The following HSPG2 variants were observed in gnomAD, a reference collection of about 807,000 sequenced individuals.
HSPG2 encodes the protein heparan sulfate proteoglycan 2.
In HSPG2, 278 loss-of-function variants were observed where a neutral mutation model predicts 526.6. That is an observed-to-expected ratio of 0.53 (90% CI 0.48 to 0.58). The LOEUF (loss-of-function observed/expected upper bound fraction) is 0.58. HSPG2 is among the 20% of genes least tolerant of loss of function. HSPG2 has a pLI of 0.00. For missense variants in HSPG2, 5,354 were observed against 6,099.5 expected (o/e 0.88, Z 4.07); for synonymous variants, 2,465 against 2,555.4 (o/e 0.96, Z 1.07).
rs1640067045 is a variant in HSPG2 at position 21,864,490 on chromosome 1, G to GGA, written c.4627-278_4627-277insTC. On this transcript the variant is annotated intron_variant, in intron 36 of 96. Transcript: ENST00000374695. The surrounding 1 kb of genome is among the most constrained non-coding windows in gnomAD (Gnocchi z 4.8). ...CCTGTCTCTGGTGGGCCCCCTCAAGGGCATGAACTGGGTTTTAACCCCCGG... is the reference window on the plus strand; with the variant it reads ...CCTGTCTCTGGTGGGCCCCCTCAAGGGAGCATGAACTGGGTTTTAACCCCCGG... Among the ~76,000 whole-genome samples the GGA allele has an allele frequency of 1.3e-5, 2 of 152,172 alleles. No individual in the cohort carries two copies. The highest frequency in any genetic ancestry group is 4.8e-5 in the African/African-American group (2 of 41,432).
At chr1:21,878,382 C>A in intron 20 of HSPG2, 51 bp downstream of exon 20, 1 of 1,585,766 alleles carries the variant, frequency 6.3e-7, no homozygotes, top group Non-Finnish European at 8.6e-7. Flanking sequence ...GGTGTGCAGC[C>A]CAGGTTGGGT....
chr1:21,829,910 G>T, intron 86 of HSPG2, 83 bp downstream of exon 86: 1 of 1,130,714 alleles, frequency 8.8e-7, no homozygotes, highest in Non-Finnish European at 1.3e-6. Context: ...CATCCGTAGG[G>T]CCCATCATGG....
At chr1:21,896,118 A>C in intron 2 of HSPG2, 57 bp downstream of exon 2, 1 of 1,608,954 alleles carries the variant, frequency 6.2e-7, no homozygotes, top group Admixed American at 1.7e-5. Context: ...TGCCAGTGGG[A>C]AGAAGCACAG....
At chr1:21,910,171 C>T (rs1419690541) in intron 1 of HSPG2, among the ~76,000 whole-genome samples, 2 of 152,268 alleles carry the variant, frequency 1.3e-5, no homozygotes, top group African/African-American at 2.4e-5. Flanking sequence ...CCCCCAGCTG[C>T]AGACCAACAC....
chr1:21,908,036 A>G (rs1643469757), intron 1 of HSPG2: 2 of 717,754 alleles, frequency 2.8e-6, no homozygotes, highest in Non-Finnish European at 5.1e-6. Flanking sequence ...GCACATGGTG[A>G]ATGTTCTATA....
At position 21,844,002 on chromosome 1, in the gene HSPG2, C is replaced by T. The variant is rs911601090; in HGVS notation, c.8616+146G>A. ...TGGTGGTGGCCCTGCTGTGCCCAGC[C>T]CGCTCTCAACTTCCTGATTCCATTG... On this transcript the variant is annotated intron_variant, in intron 65 of 96. Transcript: ENST00000374695. 6 of 1,084,938 alleles carry T rather than the reference C, an allele frequency of 5.5e-6. No homozygotes were observed. In the African/African-American group the frequency reaches 9.3e-5, roughly 17 times the overall value. The allele number at this position is 1,084,938 out of a possible 1,614,324, so 67.2% of individuals were successfully genotyped here.
In HSPG2 at chr1:21,828,693, G is replaced by A. The variant is rs1488420978; in HGVS notation, c.12237+142C>T. On this transcript the variant is annotated intron_variant, in intron 88 of 96. Coordinates refer to ENST00000374695, the MANE Select transcript of HSPG2 (RefSeq NM_005529.7). This position sits in a 1 kb window ranked among gnomAD's most constrained non-coding sequence, Gnocchi z 6.0. ...CCATTTTACAGAGGAGGAAACTGAGGCTCAGAGGTACAGTGTCCTGGCCCA... is the reference window on the plus strand; with the variant it reads ...CCATTTTACAGAGGAGGAAACTGAGACTCAGAGGTACAGTGTCCTGGCCCA... 1.6e-6 allele frequency: 2 copies of A among 1,232,470 alleles called. No individual in the cohort carries two copies. The highest frequency in any genetic ancestry group is 2.3e-6 in the Non-Finnish European group (2 of 871,914). 76.3% of individuals were successfully genotyped at this position (1,232,470 alleles called of 1,614,324 possible).
chr1:21,908,428 G>C (rs1387671317), intron 1 of HSPG2: 1 of 870,298 alleles, frequency 1.1e-6, no homozygotes, highest in African/African-American at 1.7e-5. Flanking sequence ...ACGCGTGAAG[G>C]AGAATGATCA....
intron 1 of HSPG2, among the ~76,000 whole-genome samples, chr1:21,933,317 G>A (rs146348935): frequency 1.6e-4 from 25 of 152,182 alleles, no homozygotes; most frequent in Admixed American, 8.5e-4. Flanking sequence ...GCAGGGCCTC[G>A]TAGGCTATAT....
At chr1:21,826,028 C>T in intron 91 of HSPG2, among the ~76,000 whole-genome samples, 1 of 151,972 alleles carries the variant, frequency 6.6e-6, no homozygotes, top group East Asian at 1.9e-4. Context: ...GGTGATCCAC[C>T]CACCTTGTCC....
At position 21,865,941 on chromosome 1, in the gene HSPG2, A is replaced by C; in HGVS notation, c.4222-132T>G. 2.9e-6 allele frequency: 2 copies of C among 687,866 alleles called. No individual in the cohort carries two copies. The highest frequency in any genetic ancestry group is 1.9e-5 in the African/African-American group (1 of 51,512). The allele number at this position is 687,866 out of a possible 1,614,324, so 42.6% of individuals were successfully genotyped here. A position where few individuals can be genotyped will look rare whatever the true frequency, so the allele number is the denominator to read the frequency against. ...ACTCCCCCACCCCCCTCCCTGCCCA[A>C]ACCAAGAGGCCAGGGTGCATGGTTG... On this transcript the variant is annotated intron_variant, in intron 33 of 96. Coordinates refer to ENST00000374695, the MANE Select transcript of HSPG2 (RefSeq NM_005529.7). This position sits in a 1 kb window ranked among gnomAD's most constrained non-coding sequence, Gnocchi z 5.4.
chr1:21,825,656 C>T (rs751238656), intron 91 of HSPG2, among the ~76,000 whole-genome samples: 6 of 152,188 alleles, frequency 3.9e-5, no homozygotes, highest in East Asian at 1.9e-4. Context: ...ATGAGGAGAA[C>T]GGCTGACATT....
intron 70 of HSPG2, 50 bp from the exon 71 acceptor site, chr1:21,841,335 C>A: frequency 6.2e-7 from 1 of 1,606,668 alleles, no homozygotes; most frequent in South Asian, 1.1e-5. Flanking sequence ...CTCTGCTGCT[C>A]ACCCACACTG....
chr1:21,878,417 T>C lies in HSPG2; in HGVS notation c.2617+16A>G. 6.3e-7 allele frequency: 1 copy of C among 1,596,930 alleles called. No individual in the cohort carries two copies. The highest frequency in any genetic ancestry group is 8.5e-7 in the Non-Finnish European group (1 of 1,170,252). On this transcript the variant is annotated intron_variant, in intron 20 of 96. Transcript: ENST00000374695. ...TTGGGAGGTGGGTGTCAGGGGATGG[T>C]GGCAGCCATACTCACTGACGGGCCT...
intron 29 of HSPG2, 134 bp from the exon 30 acceptor site, chr1:21,873,558 C>T (rs993400534): frequency 2.4e-5 from 23 of 943,878 alleles, no homozygotes; most frequent in Admixed American, 9.2e-5. Context: ...GCCCATGTTA[C>T]GGGGAAACTG....
chr1:21,873,808 A>T, intron 29 of HSPG2, 117 bp downstream of exon 29: 1 of 838,386 alleles, frequency 1.2e-6, no homozygotes, highest in East Asian at 2.7e-5. Flanking sequence ...GGCCTGTGCG[A>T]GGTTAAGAGC....
At chr1:21,911,923 A>G (rs888691038) in intron 1 of HSPG2, among the ~76,000 whole-genome samples, 2 of 152,158 alleles carry the variant, frequency 1.3e-5, no homozygotes, top group African/African-American at 4.8e-5. Context: ...ACAACTGACC[A>G]TATTTTCCAA....
rs747299909 is a variant in HSPG2 at position 21,838,805 on chromosome 1, G to A, written c.10150+20C>T. ...AGGAGGAAAGGTGATCCCCTTCCAC[G>A]CAGAGCCGGGGCTGCTTACCTTGGA... On this transcript the variant is annotated intron_variant, in intron 74 of 96. Coordinates refer to ENST00000374695, the MANE Select transcript of HSPG2 (RefSeq NM_005529.7). The A allele has an allele frequency of 2.5e-6, 4 of 1,609,564 alleles. No individual in the cohort carries two copies. The highest frequency in any genetic ancestry group is 3.4e-6 in the Non-Finnish European group (4 of 1,178,760).
rs752153752 is a variant in HSPG2 at position 21,839,387 on chromosome 1, G to T, written c.9873C>A (p.Ile3291=). The T allele has an allele frequency of 5.6e-6, 9 of 1,613,196 alleles. No homozygotes were observed. Among genetic ancestry groups the T allele is most frequent in the Non-Finnish European group, 7.6e-6 (9 of 1,179,998 alleles). The change falls in exon 73 of 97, where the codon ATC becomes ATA. Residue 3291 remains isoleucine (I), a synonymous_variant. Transcript: ENST00000374695. This position sits in a 1 kb window ranked among gnomAD's most constrained non-coding sequence, Gnocchi z 4.5. ...TSPAGHAEAT[I]ILHVESPPYA... ...AGGCCTTACTCTCCACGTGCAGGAT[G>T]ATGGTGGCCTCAGCGTGCCCAGCAG...
Sources: allele counts gnomAD v4.1 joint callset (sites outside exome capture counted in the v4.1 genomes callset), GRCh38; gene constraint gnomAD v4.1.1; non-coding constraint Gnocchi (gnomAD v3.1); transcripts MANE v1.5; gene names NCBI Gene and HGNC (gene_info 2026-07-23, HGNC 2026-07-21).